LLGL1: variants seen among roughly 807,000 people sequenced by gnomAD.
LLGL1 encodes LLGL scribble cell polarity complex component 1.
A neutral mutation model predicts 110.6 loss-of-function variants in LLGL1; 58 were observed. That is an observed-to-expected ratio of 0.52 (90% confidence interval 0.42 to 0.65). The LOEUF (loss-of-function observed/expected upper bound fraction) is 0.65, where lower values mean the gene tolerates loss of function less well. LLGL1 is among the 30% of genes least tolerant of loss of function. LLGL1 has a pLI of 0.00. For synonymous variants in LLGL1, 674 were observed against 607.2 expected (o/e 1.11, Z -1.62); for missense variants, 1,229 against 1,462.1 (o/e 0.84, Z 2.60).
At chr17:18,231,476 C>T (rs369801302) in intron 2 of LLGL1, among the ~76,000 whole-genome samples, 1 of 152,342 alleles carries the variant, frequency 6.6e-6, no homozygotes, top group East Asian at 1.9e-4. Flanking sequence ...CCCCCTCAGG[C>T]CCTGCTGTCC....
rs911290040 is a variant in LLGL1 at position 18,242,931 on chromosome 17, A to G, written c.*1+109A>G. 4.8e-6 allele frequency: 5 copies of G among 1,035,896 alleles called. No individual in the cohort carries two copies. In the African/African-American group the frequency reaches 6.5e-5, roughly 13 times the overall value. The allele number at this position is 1,035,896 out of a possible 1,614,324, so 64.2% of individuals were successfully genotyped here. ...TTCTACCTGAGACCCTGGCAGGCCC[A>G]TGTGATGGCACTCTCTGAAACCTGG... is the stretch of plus-strand genomic sequence containing the variant. On this transcript the variant is annotated intron_variant, in intron 22 of 22. Coordinates refer to ENST00000316843, the MANE Select transcript of LLGL1 (RefSeq NM_004140.4).
At chr17:18,234,198 C>T in intron 6 of LLGL1, 23 bp downstream of exon 6, 1 of 1,600,368 alleles carries the variant, frequency 6.2e-7, no homozygotes, top group South Asian at 1.1e-5. Context: ...GGCCTGTGTC[C>T]CCTCAGCCTG....
At chr17:18,226,014 G>A (rs1437235373) in intron 1 of LLGL1, among the ~76,000 whole-genome samples, 2 of 152,102 alleles carry the variant, frequency 1.3e-5, no homozygotes, top group African/African-American at 2.4e-5. Flanking sequence ...CTCTGGCCCT[G>A]GCTCTGCCAG....
Position 18,236,913 on chromosome 17 carries a change from A to T in LLGL1, c.1585A>T (p.Met529Leu). The change falls in exon 13 of 23, where the codon ATG becomes TTG. Residue 529 changes from methionine to leucine, a missense_variant. Transcript: ENST00000316843. Reference sequence around the variant, plus strand: ...TGCTCTCTGCAAGTATACAGCCCAGATGGTGGTGGCTGGCACTGCAGGCCA... The same window carrying T: ...TGCTCTCTGCAAGTATACAGCCCAGTTGGTGGTGGCTGGCACTGCAGGCCA... ...KVALCKYTAQ[M>L]VVAGTAGQVL... The T allele has an allele frequency of 6.2e-7, 1 of 1,613,516 alleles. No homozygotes were observed. Among genetic ancestry groups the T allele is most frequent in the Non-Finnish European group, 8.5e-7 (1 of 1,179,894 alleles).
chr17:18,235,854 G>C, intron 11 of LLGL1: 1 of 360,758 alleles, frequency 2.8e-6, no homozygotes, highest in Non-Finnish European at 5.1e-6. Context: ...AGAGAGCCCA[G>C]CGTGGGCCTG....
chr17:18,236,876 C>T lies in LLGL1; in HGVS notation c.1548C>T (p.Gly516=), dbSNP rs142201614. 7.4e-6 allele frequency: 12 copies of T among 1,613,888 alleles called. No individual in the cohort carries two copies. In the African/African-American group the frequency reaches 8.0e-5, roughly 11 times the overall value. ...FDPYSDDPRL[G]VQKVALCKYT... is the part of the protein sequence containing the mutation. ...CCTACAGTGACGATCCCCGGCTTGGCGTGCAGAAGGTTGCTCTCTGCAAGT... is the reference window on the plus strand; with the variant it reads ...CCTACAGTGACGATCCCCGGCTTGGTGTGCAGAAGGTTGCTCTCTGCAAGT... Residue 516 remains glycine (G), a synonymous_variant, in exon 13 of 23, where the codon GGC becomes GGT. Coordinates refer to ENST00000316843, the MANE Select transcript of LLGL1 (RefSeq NM_004140.4).
At position 18,233,850 on chromosome 17, in the gene LLGL1, TGA is replaced by T; in HGVS notation, c.467_468del (p.Glu156GlyfsTer92). ...AASDIAALGT[E>X]GSSVFFLDVT... ...CCAGCGACATAGCAGCCCTGGGCAC[TGA>T]GGGCAGCAGTGTCTTCTTCCTGGAT... On this transcript the variant is annotated frameshift_variant, in exon 5 of 23. Coordinates refer to ENST00000316843, the MANE Select transcript of LLGL1 (RefSeq NM_004140.4). LOFTEE classifies it high-confidence loss of function. The T allele has an allele frequency of 6.2e-7, 1 of 1,613,824 alleles. No homozygotes were observed. The highest frequency in any genetic ancestry group is 8.5e-7 in the Non-Finnish European group (1 of 1,179,938).
chr17:18,225,740 C>A lies in LLGL1; in HGVS notation c.58C>A (p.Gln20Lys). The change falls in exon 1 of 23, where the codon CAG becomes AAG. Residue 20 changes from glutamine (Q) to lysine (K), a missense_variant. By Grantham distance (53) the Gln-to-Lys change is moderately conservative (BLOSUM62 1). Coordinates refer to ENST00000316843, the MANE Select transcript of LLGL1 (RefSeq NM_004140.4). ...CGACCCGCAGCGCGAGAAGCTCAAG[C>A]AGGAGCTTTTCGCCTTCAACAAGGT... is the stretch of plus-strand genomic sequence containing the variant. ...GADPQREKLK[Q>K]ELFAFNKTVE... is the part of the protein sequence containing the mutation. 9.5e-7 allele frequency: 1 copy of A among 1,052,766 alleles called. No homozygotes were observed. The highest frequency in any genetic ancestry group is 1.2e-6 in the Non-Finnish European group (1 of 863,340). The allele number at this position is 1,052,766 out of a possible 1,614,324, so 65.2% of individuals were successfully genotyped here. A position where few individuals can be genotyped will look rare whatever the true frequency, so the allele number is the denominator to read the frequency against.
Position 18,240,499 on chromosome 17 carries a change from G to T in LLGL1, c.2207-79G>T, listed in dbSNP as rs545479728. 1.1e-4 allele frequency: 165 copies of T among 1,448,800 alleles called. No homozygotes were observed. Among genetic ancestry groups the T allele is most frequent in the Non-Finnish European group, 1.5e-4 (160 of 1,081,828 alleles). The allele number at this position is 1,448,800 out of a possible 1,614,324, so 89.7% of individuals were successfully genotyped here. A position where few individuals can be genotyped will look rare whatever the true frequency, so the allele number is the denominator to read the frequency against. On this transcript the variant is annotated intron_variant, in intron 16 of 22. Coordinates refer to ENST00000316843, the MANE Select transcript of LLGL1 (RefSeq NM_004140.4). This position sits in a 1 kb window ranked among gnomAD's most constrained non-coding sequence, Gnocchi z 5.3. The stretch of plus-strand genomic sequence containing the variant: ...CAGGGCTACAAGAGAGGCAGGGAGG[G>T]ACCTGCAGTCTGTGGGAAGACCCCA...
chr17:18,232,087 G>A (rs2746027), intron 2 of LLGL1, among the ~76,000 whole-genome samples: 44,144 of 152,176 alleles, frequency 0.29, 6,940 homozygotes, highest in Non-Finnish European at 0.35. Flanking sequence ...GATCCCATCC[G>A]GCAAGGCGCA....
chr17:18,228,352 G>C (rs1170020578), intron 1 of LLGL1, among the ~76,000 whole-genome samples: 7 of 152,200 alleles, frequency 4.6e-5, no homozygotes, highest in African/African-American at 7.2e-5. Flanking sequence ...GGCAGTAGGT[G>C]CAAAGGCCCT....
intron 2 of LLGL1, among the ~76,000 whole-genome samples, chr17:18,232,052 C>T (rs1004224002): frequency 7.2e-5 from 11 of 152,258 alleles, no homozygotes; most frequent in Non-Finnish European, 1.5e-4. Flanking sequence ...TTGTCCAGGC[C>T]TGGCCTTGCA....
At chr17:18,231,589 G>A (rs2047570829) in intron 2 of LLGL1, among the ~76,000 whole-genome samples, 2 of 152,242 alleles carry the variant, frequency 1.3e-5, no homozygotes, top group South Asian at 2.1e-4. Flanking sequence ...GAAATGGGCA[G>A]GCTGGAGTCT....
At chr17:18,230,103 C>T in intron 2 of LLGL1, 65 bp downstream of exon 2, 3 of 1,279,548 alleles carry the variant, frequency 2.3e-6, no homozygotes, top group Non-Finnish European at 3.3e-6. Flanking sequence ...TCCCTGTGCT[C>T]TGGGGTCCCA....
Position 18,244,632 on chromosome 17 carries a change from C to A in LLGL1, c.*726C>A, listed in dbSNP as rs1474757269. On this transcript the variant is annotated 3_prime_UTR_variant, in exon 23 of 23. Coordinates refer to ENST00000316843, the MANE Select transcript of LLGL1 (RefSeq NM_004140.4). ...ACCTGCTTCTGGGCCAGTCCCCAGC[C>A]TGTCATGAGTGTGTGTGTGCGGGCA... The A allele has an allele frequency of 6.7e-6, 1 of 149,984 alleles. No individual in the cohort carries two copies. Among genetic ancestry groups the A allele is most frequent in the Admixed American group, 7.0e-5 (1 of 14,280 alleles). 9.3% of individuals were successfully genotyped at this position (149,984 alleles called of 1,614,324 possible). A position where few individuals can be genotyped will look rare whatever the true frequency, so the allele number is the denominator to read the frequency against.
At position 18,232,567 on chromosome 17, in the gene LLGL1, G is replaced by T; in HGVS notation, c.252G>T (p.Leu84Phe). 6.2e-7 allele frequency: 1 copy of T among 1,614,082 alleles called. No individual in the cohort carries two copies. Among genetic ancestry groups the T allele is most frequent in the South Asian group, 1.1e-5 (1 of 91,064 alleles). ...DAATVTQMHF[L>F]TGQGRLLSLL... ...CCACTGTCACACAGATGCACTTCTT[G>T]ACCGGCCAGGTGAGCCTCTGCTTCC... The change falls in exon 3 of 23, where the codon TTG (leucine) becomes TTT (phenylalanine). Residue 84 changes from leucine (L) to phenylalanine (F), a missense_variant. By Grantham distance (22) the Leu-to-Phe change is conservative. Coordinates refer to ENST00000316843, the MANE Select transcript of LLGL1 (RefSeq NM_004140.4).
Position 18,228,127 on chromosome 17 carries a change from T to C in LLGL1, c.82-1814T>C, listed in dbSNP as rs185408775. Among the ~76,000 whole-genome samples the C allele has an allele frequency of 5.1e-4, 78 of 152,266 alleles. No homozygotes were observed. In the East Asian group the frequency reaches 0.011, roughly 22 times the overall value. On this transcript the variant is annotated intron_variant, in intron 1 of 22. Coordinates refer to ENST00000316843, the MANE Select transcript of LLGL1 (RefSeq NM_004140.4). The stretch of plus-strand genomic sequence containing the variant: ...TACCTGTTAACTCAGGTGGCTGATA[T>C]AGTTGTGCAGGAGACAGTGAAAAGC...
chr17:18,233,421 C>T (rs2047613889), intron 4 of LLGL1, among the ~76,000 whole-genome samples: 1 of 152,130 alleles, frequency 6.6e-6, no homozygotes, highest in South Asian at 2.1e-4. Flanking sequence ...CCTGCGAAGT[C>T]AGGAGATGTC....
At position 18,238,481 on chromosome 17, in the gene LLGL1, C is replaced by T. The variant is rs765973200; in HGVS notation, c.2078C>T (p.Ala693Val). 4.3e-6 allele frequency: 7 copies of T among 1,611,210 alleles called. No homozygotes were observed. The African/African-American group carries it at 8.0e-5, about 18-fold the overall frequency. Residue 693 changes from alanine to valine, a missense_variant, in exon 16 of 23, where the codon GCT becomes GTT. By Grantham distance (64) the Ala-to-Val change is moderately conservative. Coordinates refer to ENST00000316843, the MANE Select transcript of LLGL1 (RefSeq NM_004140.4). Reference sequence around the variant, plus strand: ...TTGCAGGAAGCCAATGCACAGCTGGCTGAGCAGGCCTGCCCCCACGACGTG... The same window carrying T: ...TTGCAGGAAGCCAATGCACAGCTGGTTGAGCAGGCCTGCCCCCACGACGTG... ...SKLQEANAQLAEQACPHDVEM... is the reference protein window; with the variant it reads ...SKLQEANAQLVEQACPHDVEM...
Sources: gnomAD v4.1 joint callset for allele counts (sites outside exome capture counted in the v4.1 genomes callset) on GRCh38, gnomAD v4.1.1 for gene constraint, Gnocchi (gnomAD v3.1) non-coding constraint, MANE v1.5 for transcripts, NCBI Gene and HGNC (gene_info 2026-07-23, HGNC 2026-07-21) for gene names.